PTPRN2: variants seen among roughly 807,000 people sequenced by gnomAD.
The protein encoded by PTPRN2 is protein tyrosine phosphatase receptor type N2.
Under a neutral mutation model 118.8 loss-of-function variants are expected in PTPRN2, and 74 were observed. The ratio of observed to expected loss-of-function variants is 0.62; its 90% CI spans 0.52 to 0.76. The LOEUF (loss-of-function observed/expected upper bound fraction) is 0.76. Among genes scored for constraint, PTPRN2 ranks in the 30% least tolerant of loss-of-function variants. PTPRN2 has a pLI of 0.00. For missense variants in PTPRN2, 1,481 were observed against 1,394.4 expected (o/e 1.06, Z -0.99); for synonymous variants, 641 against 608.0 (o/e 1.05, Z -0.80).
intron 11 of PTPRN2, among the ~76,000 whole-genome samples, chr7:158,031,682 C>A (rs1807693699): frequency 6.6e-6 from 1 of 152,100 alleles, no homozygotes; most frequent in African/African-American, 2.4e-5. Flanking sequence ...GCCACACTTT[C>A]CAGAAGGCAT....
At chr7:158,151,949 G>A (rs959022268) in intron 6 of PTPRN2, among the ~76,000 whole-genome samples, 3 of 152,088 alleles carry the variant, frequency 2.0e-5, no homozygotes, top group Admixed American at 1.3e-4. Context: ...CGAGGCGGGT[G>A]GATCACAAGG....
intron 1 of PTPRN2, among the ~76,000 whole-genome samples, chr7:158,505,160 T>C (rs1822652285): frequency 6.6e-6 from 1 of 152,218 alleles, no homozygotes; most frequent in South Asian, 2.1e-4. Context: ...CTGCCTCTTT[T>C]TTCCCACTAT....
intron 4 of PTPRN2, among the ~76,000 whole-genome samples, chr7:158,204,222 C>T: frequency 6.7e-6 from 1 of 148,412 alleles, no homozygotes; most frequent in East Asian, 2.1e-4. Context: ...GAAGCCCCCG[C>T]CCTCGGTGTG....
intron 10 of PTPRN2, among the ~76,000 whole-genome samples, chr7:158,104,606 A>G (rs1815512025): frequency 6.6e-6 from 1 of 152,070 alleles, no homozygotes; most frequent in Non-Finnish European, 1.5e-5. Context: ...AGAGCCAACA[A>G]CCACCCATGA....
At position 158,273,541 on chromosome 7, in the gene PTPRN2, G is replaced by A. The variant is rs536128056; in HGVS notation, c.277+43278C>T. On this transcript the variant is annotated intron_variant, in intron 3 of 22. Coordinates refer to ENST00000389418, the MANE Select transcript of PTPRN2 (RefSeq NM_002847.5). ...ACATGGGAGGAGCCGCAGACACGGGGAGCCGCAGACACAGGGGGAGCCGCA... is the reference window on the plus strand; with the variant it reads ...ACATGGGAGGAGCCGCAGACACGGGAAGCCGCAGACACAGGGGGAGCCGCA... Among the ~76,000 whole-genome samples the A allele has an allele frequency of 2.1e-3, 229 of 106,960 alleles. 29 individuals are homozygous for A. Among genetic ancestry groups the A allele is most frequent in the African/African-American group, 8.8e-3 (214 of 24,432 alleles). 70.2% of individuals were successfully genotyped at this position (106,960 alleles called of 152,430 possible). A position where few individuals can be genotyped will look rare whatever the true frequency, so the allele number is the denominator to read the frequency against.
chr7:158,352,756 T>C (rs59063022), intron 2 of PTPRN2, among the ~76,000 whole-genome samples: 4,778 of 152,338 alleles, frequency 0.031, 286 homozygotes, highest in African/African-American at 0.11. Flanking sequence ...GAAAACTCTC[T>C]CTTAGAATTA....
At chr7:157,736,873 T>G (rs1800329318) in intron 12 of PTPRN2, among the ~76,000 whole-genome samples, 1 of 152,154 alleles carries the variant, frequency 6.6e-6, no homozygotes, top group Admixed American at 6.5e-5. Flanking sequence ...ACATATTGGT[T>G]TTGGAGCCAA....
At chr7:158,421,812 A>G (rs891547796) in intron 2 of PTPRN2, among the ~76,000 whole-genome samples, 7 of 152,232 alleles carry the variant, frequency 4.6e-5, no homozygotes, top group Non-Finnish European at 1.0e-4. Context: ...TTTACATTTA[A>G]AAGTAGTGAC....
intron 16 of PTPRN2, among the ~76,000 whole-genome samples, chr7:157,602,659 T>C (rs140469626): frequency 9.8e-5 from 13 of 132,622 alleles, no homozygotes; most frequent in South Asian, 2.5e-4. Context: ...CCAGCAGAGC[T>C]GAGAGCTGAG....
chr7:158,323,964 CAT>C (rs1374609277), intron 2 of PTPRN2, among the ~76,000 whole-genome samples: 1 of 126,152 alleles, frequency 7.9e-6, no homozygotes, highest in Non-Finnish European at 1.7e-5. Context: ...CATTCCAACA[CAT>C]GTACACACAC....
chr7:158,528,191 C>A (rs970214394), intron 1 of PTPRN2, among the ~76,000 whole-genome samples: 12 of 152,230 alleles, frequency 7.9e-5, no homozygotes, highest in African/African-American at 2.9e-4. Flanking sequence ...GCTCCAGAGG[C>A]ATCAGCCTAA....
At position 157,612,676 on chromosome 7, in the gene PTPRN2, C is replaced by T. The variant is rs140207623; in HGVS notation, c.2345-8601G>A. Among the ~76,000 whole-genome samples, 3 of 152,352 alleles carry T rather than the reference C, an allele frequency of 2.0e-5. No homozygotes were observed. The East Asian group carries it at 5.8e-4, about 29-fold the overall frequency. Reference sequence around the variant, plus strand: ...GGGGCGCAGGGCAGACTGTGCCAAGCAGGCGCGTCTGGAAAAGTAAGGGAG... The same window carrying T: ...GGGGCGCAGGGCAGACTGTGCCAAGTAGGCGCGTCTGGAAAAGTAAGGGAG... On this transcript the variant is annotated intron_variant, in intron 15 of 22. Transcript: ENST00000389418.
rs140200155 is a variant in PTPRN2 at position 157,581,894 on chromosome 7, C to T, written c.2497-3754G>A. The stretch of plus-strand genomic sequence containing the variant: ...GAGACACCTCGAGAAGGCACAGACA[C>T]GGAGAGCGGCCACGCGCAGACAGGC... On this transcript the variant is annotated intron_variant, in intron 17 of 22. Coordinates refer to ENST00000389418, the MANE Select transcript of PTPRN2 (RefSeq NM_002847.5). Among the ~76,000 whole-genome samples, 485 of 152,334 alleles carry T rather than the reference C, an allele frequency of 3.2e-3. 3 individuals carry two copies. The highest frequency in any genetic ancestry group is 0.011 in the African/African-American group (459 of 41,576).
intron 13 of PTPRN2, 37 bp downstream of exon 13, chr7:157,682,688 A>T (rs747989953): frequency 6.4e-7 from 1 of 1,566,028 alleles, no homozygotes; most frequent in Non-Finnish European, 8.8e-7. Flanking sequence ...TCAACAGATA[A>T]ATCCGATATA....
chr7:157,824,088 T>A (rs1351005743), intron 12 of PTPRN2, among the ~76,000 whole-genome samples: 2 of 151,930 alleles, frequency 1.3e-5, no homozygotes, highest in Non-Finnish European at 2.9e-5. Flanking sequence ...TCAGTAACAA[T>A]CCCCCTGAAC....
chr7:158,164,295 G>A (rs112635392), intron 6 of PTPRN2, among the ~76,000 whole-genome samples: 43 of 146,746 alleles, frequency 2.9e-4, no homozygotes, highest in African/African-American at 1.0e-3. Context: ...GCGTAGGAAG[G>A]GCACGCAGAG....
At chr7:158,303,409 T>C (rs1414165953) in intron 3 of PTPRN2, among the ~76,000 whole-genome samples, 1 of 152,204 alleles carries the variant, frequency 6.6e-6, no homozygotes, top group Non-Finnish European at 1.5e-5. Flanking sequence ...AAAGCACCAG[T>C]AGAATTCTGT....
chr7:158,357,975 A>C (rs1252814674), intron 2 of PTPRN2, among the ~76,000 whole-genome samples: 1 of 152,176 alleles, frequency 6.6e-6, no homozygotes, highest in South Asian at 2.1e-4. Flanking sequence ...TTGTGTGTGC[A>C]TGTCTCTGTT....
At chr7:158,000,135 C>T (rs1476484281) in intron 11 of PTPRN2, among the ~76,000 whole-genome samples, 1 of 152,194 alleles carries the variant, frequency 6.6e-6, no homozygotes, top group Non-Finnish European at 1.5e-5. Flanking sequence ...GATCCACCCG[C>T]CTTGGCCTCC....
Sources: allele counts gnomAD v4.1 joint callset (sites outside exome capture counted in the v4.1 genomes callset), GRCh38; gene constraint gnomAD v4.1.1; transcripts MANE v1.5; gene names NCBI Gene and HGNC (gene_info 2026-07-23, HGNC 2026-07-21).